Variants in DENND6A observed in about 807,000 individuals in gnomAD.
The protein encoded by DENND6A is DENN domain containing 6A, also known as protein DENND6A.
In DENND6A, 43 loss-of-function variants were observed where a neutral mutation model predicts 95.5. That is an observed-to-expected ratio of 0.45 (90% CI 0.35 to 0.58). DENND6A has a LOEUF of 0.58. DENND6A is among the 20% of genes least tolerant of loss of function. The pLI is 0.00. For synonymous variants in DENND6A, 257 were observed against 260.4 expected (o/e 0.99, Z 0.13); for missense variants, 574 against 736.0 (o/e 0.78, Z 2.55).
At chr3:57,663,487 AAT>A (rs1553742674) in intron 5 of DENND6A, 147 bp downstream of exon 5, 2,904 of 92,074 alleles carry the variant, frequency 0.032, 429 homozygotes, top group South Asian at 0.049. Flanking sequence ...AAAAAAAAAA[AAT>A]ATATATATAC....
At chr3:57,663,563 T>C in intron 5 of DENND6A, 73 bp downstream of exon 5, 2 of 1,106,396 alleles carry the variant, frequency 1.8e-6, no homozygotes, top group Non-Finnish European at 2.5e-6. Context: ...TAAAGACTCT[T>C]AAATCTAACA....
rs1386445592 is a variant in DENND6A, at chr3:57,628,212, T to A, written c.*2A>T. The A allele has an allele frequency of 1.2e-6, 2 of 1,610,912 alleles. No homozygotes were observed. The highest frequency in any genetic ancestry group is 2.7e-5 in the African/African-American group (2 of 74,908). ...TTTTTGGCTGGAAAATCTTGGCAAA[T>A]ATCATGTCATGCCCGTTTTGAGCAG... On this transcript the variant is annotated 3_prime_UTR_variant, in exon 20 of 20. Transcript: ENST00000311128.
intron 12 of DENND6A, among the ~76,000 whole-genome samples, chr3:57,637,289 GCT>G (rs953560676): frequency 1.3e-5 from 2 of 152,188 alleles, no homozygotes; most frequent in African/African-American, 4.8e-5. Flanking sequence ...CAGGTTGTTA[GCT>G]CTGTCATAAC....
In DENND6A at chr3:57,630,969, CAT is replaced by C. The variant is rs1559802423; in HGVS notation, c.1361_1362del (p.Tyr454CysfsTer33). Reference protein sequence around the residue: ...TQSFIIPLERYVASLMPLQKS... With the variant: ...TQSFIIPLERXVASLMPLQKS... ...TTCTGCAAAGGCATCAAGCTTGCCA[CAT>C]ATCTTTCCTAAAACCAAGAAAAAAG... On this transcript the variant is annotated frameshift_variant, in exon 16 of 20. Coordinates refer to ENST00000311128, the MANE Select transcript of DENND6A (RefSeq NM_152678.3). LOFTEE classifies it high-confidence loss of function. The C allele has an allele frequency of 1.2e-6, 2 of 1,612,994 alleles. No individual in the cohort carries two copies. Among genetic ancestry groups the C allele is most frequent in the African/African-American group, 2.7e-5 (2 of 74,954 alleles).
At chr3:57,691,928 T>TA (rs34356945) in intron 1 of DENND6A, among the ~76,000 whole-genome samples, 58,122 of 150,374 alleles carry the variant, frequency 0.39, 12,455 homozygotes, top group South Asian at 0.56. Context: ...AGAGGCAACA[T>TA]AAAAAAAAAT....
Position 57,636,847 on chromosome 3 carries a change from GA to G in DENND6A, c.1133-2079del, listed in dbSNP as rs544113897. Among the ~76,000 whole-genome samples, 34 of 145,916 alleles carry G rather than the reference GA, an allele frequency of 2.3e-4. No homozygotes were observed. The East Asian group carries it at 3.3e-3, about 14-fold the overall frequency. ...AGCTACTCGGGAGGCTGACACAGGAGAATCACTTGAACCCAGAAGGCAGAGG... is the reference window on the plus strand; with the variant it reads ...AGCTACTCGGGAGGCTGACACAGGAGATCACTTGAACCCAGAAGGCAGAGG... On this transcript the variant is annotated intron_variant, in intron 12 of 19. Coordinates refer to ENST00000311128, the MANE Select transcript of DENND6A (RefSeq NM_152678.3).
At chr3:57,677,747 C>T (rs1489955757) in intron 1 of DENND6A, among the ~76,000 whole-genome samples, 1 of 152,056 alleles carries the variant, frequency 6.6e-6, no homozygotes, top group African/African-American at 2.4e-5. Context: ...TCACTTTTAA[C>T]AGAAAGAATC....
intron 9 of DENND6A, among the ~76,000 whole-genome samples, chr3:57,650,162 G>C (rs2071172863): frequency 6.6e-6 from 1 of 151,896 alleles, no homozygotes; most frequent in African/African-American, 2.4e-5. Context: ...GGGGGTGAGG[G>C]ATAAAAAGAC....
intron 3 of DENND6A, among the ~76,000 whole-genome samples, chr3:57,668,064 C>G (rs892314384): frequency 6.8e-6 from 1 of 146,720 alleles, no homozygotes; most frequent in African/African-American, 2.5e-5. Context: ...GACCCTATCT[C>G]AAAAAAAAAA....
Position 57,693,039 on chromosome 3 carries a change from G to A in DENND6A, c.-21C>T. The stretch of plus-strand genomic sequence containing the variant: ...GCCATCGGCCGCCCCCTGACCGTTC[G>A]CGCCGCCTCCACAGCGGACCGCGCC... On this transcript the variant is annotated 5_prime_UTR_variant, in exon 1 of 20. Transcript: ENST00000311128. 6.5e-6 allele frequency: 9 copies of A among 1,388,870 alleles called. No individual in the cohort carries two copies. Among genetic ancestry groups the A allele is most frequent in the Non-Finnish European group, 8.3e-6 (9 of 1,080,562 alleles). 86.0% of individuals were successfully genotyped at this position (1,388,870 alleles called of 1,614,324 possible). A position where few individuals can be genotyped will look rare whatever the true frequency, so the allele number is the denominator to read the frequency against.
chr3:57,689,841 A>C (rs1055800844), intron 1 of DENND6A, among the ~76,000 whole-genome samples: 1 of 152,146 alleles, frequency 6.6e-6, no homozygotes, highest in Non-Finnish European at 1.5e-5. Flanking sequence ...AGGCAGCAGG[A>C]CAGTTTGAGG....
intron 12 of DENND6A, among the ~76,000 whole-genome samples, chr3:57,638,542 C>G (rs2070850327): frequency 6.6e-6 from 1 of 152,010 alleles, no homozygotes; most frequent in Admixed American, 6.6e-5. Flanking sequence ...CCTGTAATCT[C>G]AGCGACTCGG....
intron 11 of DENND6A, 67 bp downstream of exon 11, chr3:57,645,594 A>G: frequency 8.1e-7 from 1 of 1,229,670 alleles, no homozygotes. Flanking sequence ...TTTTATTACC[A>G]AAAATAATTC....
rs749418423 is a variant in DENND6A, at chr3:57,641,668, C to T, written c.1117G>A (p.Asp373Asn). 4.8e-5 allele frequency: 78 copies of T among 1,612,268 alleles called. No individual in the cohort carries two copies. Among genetic ancestry groups the T allele is most frequent in the Admixed American group, 2.2e-4 (13 of 59,878 alleles). The change falls in exon 12 of 20, where the codon GAC becomes AAC. Residue 373 changes from aspartate (D) to asparagine (N), a missense_variant. By Grantham distance (23) the Asp-to-Asn change is conservative (BLOSUM62 1). Coordinates refer to ENST00000311128, the MANE Select transcript of DENND6A (RefSeq NM_152678.3). ...QHWPHIIRIG[D>N]LKPTGEIPKQ... ...TATACTTTACCTGTAGGTTTAAGGT[C>T]TCCTATTCGAATAATGTGTGGCCAG...
chr3:57,654,821 T>C (rs191612306), intron 9 of DENND6A: 2 of 966,472 alleles, frequency 2.1e-6, no homozygotes, highest in East Asian at 1.1e-4. Flanking sequence ...TCAAGCTCAG[T>C]CTTGGTGTAA....
chr3:57,633,943 T>C (rs1286727402), intron 14 of DENND6A, among the ~76,000 whole-genome samples: 1 of 152,022 alleles, frequency 6.6e-6, no homozygotes, highest in Non-Finnish European at 1.5e-5. Flanking sequence ...TTATATTTGC[T>C]ATACTATACT....
At chr3:57,689,819 T>A (rs2077244349) in intron 1 of DENND6A, among the ~76,000 whole-genome samples, 1 of 152,180 alleles carries the variant, frequency 6.6e-6, no homozygotes, top group Admixed American at 6.5e-5. Flanking sequence ...ATCCCAGCAC[T>A]TTGGAAGACA....
intron 1 of DENND6A, among the ~76,000 whole-genome samples, chr3:57,682,386 A>T (rs2153417261): frequency 6.6e-6 from 1 of 151,726 alleles, no homozygotes; most frequent in South Asian, 2.1e-4. Flanking sequence ...GTATTTCAGT[A>T]CATGATCTAT....
At chr3:57,652,174 G>A (rs2071223762) in intron 9 of DENND6A, among the ~76,000 whole-genome samples, 1 of 152,214 alleles carries the variant, frequency 6.6e-6, no homozygotes, top group Non-Finnish European at 1.5e-5. Flanking sequence ...GTAATTAACA[G>A]AATACGGTAG....
Sources: gnomAD v4.1 joint callset for allele counts (sites outside exome capture counted in the v4.1 genomes callset) on GRCh38, gnomAD v4.1.1 for gene constraint, MANE v1.5 for transcripts, NCBI Gene and HGNC (gene_info 2026-07-23, HGNC 2026-07-21) for gene names.